CCSER1: variants seen among roughly 807,000 people sequenced by gnomAD.
The protein encoded by CCSER1 is serine-rich coiled-coil domain-containing protein 1.
In CCSER1, 41 loss-of-function variants were observed where a neutral mutation model predicts 82.0. The observed-to-expected ratio is 0.50, with a 90% confidence interval of 0.39 to 0.65. The LOEUF (loss-of-function observed/expected upper bound fraction) is 0.65. Among genes scored for constraint, CCSER1 ranks in the 30% least tolerant of loss-of-function variants. CCSER1 has a pLI of 0.00. For missense variants in CCSER1, 1,119 were observed against 1,064.2 expected (o/e 1.05, Z -0.72); for synonymous variants, 414 against 383.9 (o/e 1.08, Z -0.92).
At chr4:91,159,292 A>G (rs1438121603) in intron 10 of CCSER1, among the ~76,000 whole-genome samples, 1 of 151,988 alleles carries the variant, frequency 6.6e-6, no homozygotes, top group Non-Finnish European at 1.5e-5. Flanking sequence ...TATTAAATCA[A>G]TGCCATGCTG....
intron 10 of CCSER1, among the ~76,000 whole-genome samples, chr4:91,323,510 G>A (rs762673641): frequency 6.6e-6 from 1 of 152,100 alleles, no homozygotes; most frequent in Non-Finnish European, 1.5e-5. Flanking sequence ...TACCTAAAAT[G>A]TACATAATGA....
intron 9 of CCSER1, among the ~76,000 whole-genome samples, chr4:90,971,848 T>G (rs1735140374): frequency 6.6e-6 from 1 of 151,880 alleles, no homozygotes; most frequent in African/African-American, 2.4e-5. Context: ...TGATTCAATA[T>G]ATCAAAAATA....
chr4:91,572,473 A>T (rs1323240437), intron 10 of CCSER1, among the ~76,000 whole-genome samples: 3 of 152,110 alleles, frequency 2.0e-5, no homozygotes, highest in Non-Finnish European at 4.4e-5. Context: ...TGGTTGCCTC[A>T]AACACTTCGA....
intron 1 of CCSER1, among the ~76,000 whole-genome samples, chr4:90,172,219 CAG>C (rs1187390993): frequency 6.6e-6 from 1 of 151,750 alleles, no homozygotes; most frequent in Non-Finnish European, 1.5e-5. Flanking sequence ...TAGAAAAACT[CAG>C]AGATTGTTAA....
rs190702559 is a variant in CCSER1 at position 90,657,146 on chromosome 4, C to T, written c.1932+28914C>T. On this transcript the variant is annotated intron_variant, in intron 6 of 10. Transcript: ENST00000509176. Reference sequence around the variant, plus strand: ...TGGGTGTGCTGATGATGAATTCCCTCTCTCTCTGTCTCCCTTTCATTCTTT... The same window carrying T: ...TGGGTGTGCTGATGATGAATTCCCTTTCTCTCTGTCTCCCTTTCATTCTTT... 1.2e-3 allele frequency among the ~76,000 whole-genome samples: 190 copies of T among 152,138 alleles called. 1 individual carries two copies. The highest frequency in any genetic ancestry group is 5.4e-3 in the Admixed American group (83 of 15,264).
intron 1 of CCSER1, among the ~76,000 whole-genome samples, chr4:90,242,920 C>A (rs1420689806): frequency 6.6e-6 from 1 of 152,150 alleles, no homozygotes; most frequent in African/African-American, 2.4e-5. Context: ...CTTTCTACTA[C>A]ATAGTGTGGC....
intron 10 of CCSER1, among the ~76,000 whole-genome samples, chr4:91,124,544 G>C (rs973752790): frequency 6.6e-6 from 1 of 151,686 alleles, no homozygotes; most frequent in African/African-American, 2.4e-5. Flanking sequence ...TGACTTAGCT[G>C]CTGCTTCTCT....
chr4:91,421,479 A>G (rs1753680282), intron 10 of CCSER1, among the ~76,000 whole-genome samples: 1 of 152,170 alleles, frequency 6.6e-6, no homozygotes, highest in African/African-American at 2.4e-5. Context: ...CCAACTTTGG[A>G]AAAGATGGCT....
At chr4:90,810,829 A>ATGCT (rs1758170486) in intron 7 of CCSER1, among the ~76,000 whole-genome samples, 1 of 117,736 alleles carries the variant, frequency 8.5e-6, no homozygotes, top group African/African-American at 3.2e-5. Context: ...ATAAAGAGTA[A>ATGCT]TTCTTTTTTT....
intron 10 of CCSER1, among the ~76,000 whole-genome samples, chr4:91,550,028 G>C (rs1762087109): frequency 6.6e-6 from 1 of 151,922 alleles, no homozygotes. Context: ...ACTGTCACTG[G>C]GTCTTCCCTA....
At position 91,446,877 on chromosome 4, in the gene CCSER1, TA is replaced by T. The variant is rs536865157; in HGVS notation, c.2218-151694del. On this transcript the variant is annotated intron_variant, in intron 10 of 10. Coordinates refer to ENST00000509176, the MANE Select transcript of CCSER1 (RefSeq NM_001145065.2). ...ATTTATTATAAAACATATTTGGCAATATATTGAATTTCTTCTTGAATTCGGG... is the reference window on the plus strand; with the variant it reads ...ATTTATTATAAAACATATTTGGCAATTATTGAATTTCTTCTTGAATTCGGG... Among the ~76,000 whole-genome samples, 388 of 152,040 alleles carry T rather than the reference TA, an allele frequency of 2.6e-3. 3 individuals are homozygous for T. Among genetic ancestry groups the T allele is most frequent in the African/African-American group, 8.9e-3 (371 of 41,516 alleles).
Position 90,328,354 on chromosome 4 carries a change from A to G in CCSER1, c.1509+15307A>G, listed in dbSNP as rs1412319402. Among the ~76,000 whole-genome samples the G allele has an allele frequency of 2.0e-5, 3 of 151,122 alleles. No homozygotes were observed. The South Asian group carries it at 6.2e-4, about 31-fold the overall frequency. On this transcript the variant is annotated intron_variant, in intron 3 of 10. Coordinates refer to ENST00000509176, the MANE Select transcript of CCSER1 (RefSeq NM_001145065.2). ...GATTCTCTCCTTTTTTTTTTGATGT[A>G]TATTGCTATTGTAATTTTTGTTTTT...
intron 10 of CCSER1, among the ~76,000 whole-genome samples, chr4:91,136,414 T>C (rs1728474366): frequency 6.6e-6 from 1 of 152,236 alleles, no homozygotes; most frequent in South Asian, 2.1e-4. Context: ...GCCTGTTTAC[T>C]TTGCTGTGTT....
At chr4:90,485,030 G>T (rs1408938520) in intron 5 of CCSER1, among the ~76,000 whole-genome samples, 1 of 152,208 alleles carries the variant, frequency 6.6e-6, no homozygotes, top group Admixed American at 6.5e-5. Flanking sequence ...CATCCAGTTC[G>T]AGCTTCCCAG....
Position 91,553,697 on chromosome 4 carries a change from A to G in CCSER1, c.2218-44875A>G, listed in dbSNP as rs112803241. Among the ~76,000 whole-genome samples the G allele has an allele frequency of 5.0e-4, 76 of 150,976 alleles. 3 individuals are homozygous for G. The highest frequency in any genetic ancestry group is 1.8e-3 in the African/African-American group (76 of 41,208). The stretch of plus-strand genomic sequence containing the variant: ...TTATCCATTTCTACTAAATTATTCA[A>G]TTTGTTGTTGCTCAATTACTTATAG... On this transcript the variant is annotated intron_variant, in intron 10 of 10. Transcript: ENST00000509176.
chr4:91,465,695 C>A (rs926369483), intron 10 of CCSER1, among the ~76,000 whole-genome samples: 15 of 152,142 alleles, frequency 9.9e-5, no homozygotes, highest in Non-Finnish European at 1.9e-4. Context: ...CACAGAAATA[C>A]AAACTACCAT....
intron 10 of CCSER1, among the ~76,000 whole-genome samples, chr4:91,335,012 T>TTA (rs1553925238): frequency 1.7e-4 from 26 of 152,216 alleles, no homozygotes; most frequent in African/African-American, 5.5e-4. Flanking sequence ...ATGTTTTTTT[T>TTA]AATTAAAAGA....
chr4:91,145,073 A>G (rs1245084197), intron 10 of CCSER1, among the ~76,000 whole-genome samples: 1 of 152,054 alleles, frequency 6.6e-6, no homozygotes, highest in African/African-American at 2.4e-5. Flanking sequence ...AATATCCCCT[A>G]TTATTCTGTG....
chr4:90,480,063 G>C (rs1765701626), intron 5 of CCSER1, among the ~76,000 whole-genome samples: 1 of 152,112 alleles, frequency 6.6e-6, no homozygotes, highest in South Asian at 2.1e-4. Flanking sequence ...TTTAATGATT[G>C]CCATTCTAAC....
Sources: allele counts gnomAD v4.1 joint callset (sites outside exome capture counted in the v4.1 genomes callset), GRCh38; gene constraint gnomAD v4.1.1; transcripts MANE v1.5; gene names NCBI Gene and HGNC (gene_info 2026-07-23, HGNC 2026-07-21).